ATRN: variants seen among roughly 807,000 people sequenced by gnomAD.
ATRN encodes attractin-2.
In ATRN, 54 loss-of-function variants were observed where a neutral mutation model predicts 178.7. The observed-to-expected ratio is 0.30, with a 90% CI of 0.24 to 0.38. The LOEUF is 0.38. Among genes scored for constraint, ATRN ranks in the 10% least tolerant of loss-of-function variants. The probability of loss-of-function intolerance (pLI) is 1.00; values close to 1 mark genes in which losing one functional copy is unlikely to be tolerated. For synonymous variants in ATRN, 636 were observed against 663.0 expected (o/e 0.96, Z 0.63); for missense variants, 1,443 against 1,815.1 (o/e 0.79, Z 3.73).
chr20:3,483,678 A>G (rs1447498629), intron 1 of ATRN, among the ~76,000 whole-genome samples: 2 of 152,114 alleles, frequency 1.3e-5, no homozygotes, highest in Middle Eastern at 3.2e-3. Flanking sequence ...CTCTTTTTGC[A>G]TACATGTGTG....
chr20:3,483,433 A>T (rs375192632), intron 1 of ATRN, among the ~76,000 whole-genome samples: 8 of 152,290 alleles, frequency 5.3e-5, no homozygotes, highest in South Asian at 4.1e-4. Flanking sequence ...TGCAGCCCTG[A>T]CCTTCAGGGC....
chr20:3,623,444 A>G (rs2086912365), intron 24 of ATRN, among the ~76,000 whole-genome samples: 1 of 152,214 alleles, frequency 6.6e-6, no homozygotes, highest in Admixed American at 6.5e-5. Flanking sequence ...GGAATGTCAA[A>G]AAGAAAATAG....
chr20:3,495,395 A>G (rs2084864383), intron 1 of ATRN, among the ~76,000 whole-genome samples: 1 of 152,204 alleles, frequency 6.6e-6, no homozygotes, highest in Non-Finnish European at 1.5e-5. Context: ...TTAGGGCCAC[A>G]TCATCTGTAT....
rs1188974607 is a variant in ATRN, at chr20:3,580,305, A to G, written c.2544+1533A>G. 2.0e-5 allele frequency among the ~76,000 whole-genome samples: 3 copies of G among 152,200 alleles called. No homozygotes were observed. In the East Asian group the frequency reaches 5.8e-4, roughly 29 times the overall value. On this transcript the variant is annotated intron_variant, in intron 15 of 28. Transcript: ENST00000262919. ...AGGGTTCAACCAGGTGGCCACAGAT[A>G]TACTTCTGGTACCCTTTCTCTCTTC...
In ATRN at chr20:3,612,046, T is replaced by C. The variant is rs116747953; in HGVS notation, c.3801+7784T>C. 7.3e-3 allele frequency among the ~76,000 whole-genome samples: 1,105 copies of C among 152,322 alleles called. 16 individuals are homozygous for C. Among genetic ancestry groups the C allele is most frequent in the African/African-American group, 0.025 (1,041 of 41,568 alleles). ...TCTCACAAATCTCTGTACACCCGTG[T>C]TTATAGCACTTGAAAGCAATATTTA... On this transcript the variant is annotated intron_variant, in intron 24 of 28. Transcript: ENST00000262919.
chr20:3,547,884 ATAG>A (rs760128887), intron 5 of ATRN, among the ~76,000 whole-genome samples: 113,285 of 151,146 alleles, frequency 0.75, 42,882 homozygotes, highest in East Asian at 1. Context: ...GAGTTAGCTA[ATAG>A]TTATCTACAG....
intron 22 of ATRN, among the ~76,000 whole-genome samples, chr20:3,599,748 C>T (rs1303186365): frequency 6.6e-6 from 1 of 152,118 alleles, no homozygotes; most frequent in Non-Finnish European, 1.5e-5. Flanking sequence ...GAACCGATGA[C>T]CCACGTATAC....
intron 24 of ATRN, among the ~76,000 whole-genome samples, chr20:3,619,451 TC>T (rs1455008191): frequency 6.6e-6 from 1 of 152,196 alleles, no homozygotes; most frequent in Non-Finnish European, 1.5e-5. Context: ...CAATGAAAGG[TC>T]CTTTCTTCTC....
chr20:3,551,740 T>C (rs1248523515), intron 6 of ATRN, among the ~76,000 whole-genome samples: 3 of 152,180 alleles, frequency 2.0e-5, no homozygotes, highest in Non-Finnish European at 4.4e-5. Flanking sequence ...TCATTCTCAG[T>C]TAATGGCCTT....
At chr20:3,505,959 G>A (rs2085037434) in intron 1 of ATRN, among the ~76,000 whole-genome samples, 1 of 152,146 alleles carries the variant, frequency 6.6e-6, no homozygotes, top group African/African-American at 2.4e-5. Flanking sequence ...AGGGCAATAT[G>A]GGGAATCCTT....
intron 20 of ATRN, among the ~76,000 whole-genome samples, chr20:3,595,014 T>C (rs1203524181): frequency 6.6e-6 from 1 of 152,246 alleles, no homozygotes; most frequent in Non-Finnish European, 1.5e-5. Flanking sequence ...CCCATTACTC[T>C]AGCATTTTCC....
chr20:3,492,538 G>T (rs145920053), intron 1 of ATRN, among the ~76,000 whole-genome samples: 1,721 of 152,122 alleles, frequency 0.011, 11 homozygotes, highest in Middle Eastern at 0.031. Context: ...ACCATGAATT[G>T]TTTTTGAGCT....
At position 3,636,805 on chromosome 20, in the gene ATRN, G is replaced by A. The variant is rs142496850; in HGVS notation, c.3943-2023G>A. ...ACTTCTGTCTTCACAGCCCAAGTTC[G>A]TTATCTTCGTGTAATCCTACAGTCA... On this transcript the variant is annotated intron_variant, in intron 26 of 28. Coordinates refer to ENST00000262919, the MANE Select transcript of ATRN (RefSeq NM_139321.3). 9.7e-4 allele frequency among the ~76,000 whole-genome samples: 147 copies of A among 152,288 alleles called. 1 individual carries two copies. The highest frequency in any genetic ancestry group is 6.4e-3 in the East Asian group (33 of 5,188).
At chr20:3,611,741 CAAAATA>C (rs1339312271) in intron 24 of ATRN, among the ~76,000 whole-genome samples, 2 of 151,918 alleles carry the variant, frequency 1.3e-5, no homozygotes, top group Non-Finnish European at 2.9e-5. Flanking sequence ...GACTGCCTCT[CAAAATA>C]AAAATAAAAT....
chr20:3,545,658 G>A, intron 3 of ATRN, 104 bp from the exon 4 acceptor site: 1 of 1,448,806 alleles, frequency 6.9e-7, no homozygotes, highest in Non-Finnish European at 9.3e-7. Context: ...TCCTGGATGT[G>A]GTTTTTAAAT....
chr20:3,471,125 G>T lies in ATRN; in HGVS notation c.18G>T (p.Ala6=). The change falls in exon 1 of 29, where the codon GCG becomes GCT. Residue 6 remains alanine, a synonymous_variant. Transcript: ENST00000262919. The part of the protein sequence containing the change: MVAAA[A]ATEARLRRRT... ...CCGGGAAGATGGTGGCTGCAGCGGC[G>T]GCAACTGAGGCAAGGCTGAGGAGGA... 6.6e-7 allele frequency: 1 copy of T among 1,511,556 alleles called. No homozygotes were observed. The highest frequency in any genetic ancestry group is 1.2e-5 in the South Asian group (1 of 82,380). 93.6% of individuals were successfully genotyped at this position (1,511,556 alleles called of 1,614,324 possible).
chr20:3,514,012 C>G (rs543347326), intron 1 of ATRN, among the ~76,000 whole-genome samples: 10 of 152,254 alleles, frequency 6.6e-5, no homozygotes, highest in African/African-American at 2.4e-4. Context: ...ATGGGGTTTT[C>G]TAGATATACA....
At chr20:3,583,870 A>C in intron 16 of ATRN, 28 bp from the exon 17 acceptor site, 1 of 1,603,396 alleles carries the variant, frequency 6.2e-7, no homozygotes, top group East Asian at 2.2e-5. Context: ...TGGGAGCTCT[A>C]AGTGTCTCTC....
intron 24 of ATRN, among the ~76,000 whole-genome samples, chr20:3,611,694 A>G (rs2086768821): frequency 6.6e-6 from 1 of 152,250 alleles, no homozygotes; most frequent in Non-Finnish European, 1.5e-5. Context: ...GTGAGCTGAG[A>G]TTGTGCTACT....
Sources: gnomAD v4.1 joint callset for allele counts (sites outside exome capture counted in the v4.1 genomes callset) on GRCh38, gnomAD v4.1.1 for gene constraint, MANE v1.5 for transcripts, NCBI Gene and HGNC (gene_info 2026-07-23, HGNC 2026-07-21) for gene names.